Variants in NELL2 observed in about 807,000 individuals in gnomAD.
NELL2 encodes neural EGFL like 2.
Under a neutral mutation model 109.6 loss-of-function variants are expected in NELL2, and 41 were observed. That is an observed-to-expected ratio of 0.37 (90% CI 0.29 to 0.49). The LOEUF is 0.49. Ranked by LOEUF, NELL2 falls within the 20% of genes least tolerant of loss-of-function variation. NELL2 has a pLI of 0.98. For synonymous variants in NELL2, 355 were observed against 344.7 expected (o/e 1.03, Z -0.33); for missense variants, 900 against 1,008.3 (o/e 0.89, Z 1.45).
chr12:44,615,672 TAC>T (rs1945794351), intron 13 of NELL2, among the ~76,000 whole-genome samples: 1 of 152,154 alleles, frequency 6.6e-6, no homozygotes, highest in African/African-American at 2.4e-5. Flanking sequence ...TTTTTATGTT[TAC>T]ACAGTTTAAT....
intron 2 of NELL2, among the ~76,000 whole-genome samples, chr12:44,829,159 C>T (rs1009276163): frequency 6.6e-6 from 1 of 151,988 alleles, no homozygotes; most frequent in African/African-American, 2.4e-5. Context: ...AATAAGATCA[C>T]ATATTCAAAA....
intron 3 of NELL2, among the ~76,000 whole-genome samples, chr12:44,782,777 T>C (rs1054089267): frequency 1.3e-5 from 2 of 151,992 alleles, no homozygotes; most frequent in Non-Finnish European, 2.9e-5. Flanking sequence ...AAAGAATACA[T>C]GGTAAAATCC....
intron 15 of NELL2, among the ~76,000 whole-genome samples, chr12:44,566,100 A>C (rs1181701300): frequency 6.6e-6 from 1 of 152,180 alleles, no homozygotes; most frequent in African/African-American, 2.4e-5. Context: ...GGTTGCAGTC[A>C]AGATGAAGAG....
At chr12:44,622,297 C>T (rs1946088688) in intron 13 of NELL2, among the ~76,000 whole-genome samples, 1 of 152,104 alleles carries the variant, frequency 6.6e-6, no homozygotes, top group East Asian at 1.9e-4. Flanking sequence ...AACCTTGTTG[C>T]TCCTGTGTTT....
chr12:44,600,022 C>T (rs1257554714), intron 15 of NELL2, among the ~76,000 whole-genome samples: 1 of 138,758 alleles, frequency 7.2e-6, no homozygotes, highest in Non-Finnish European at 1.5e-5. Context: ...AGTGCAGTGG[C>T]GCGATATCTG....
At chr12:44,888,221 C>T (rs1340681683) in intron 1 of NELL2, among the ~76,000 whole-genome samples, 1 of 152,000 alleles carries the variant, frequency 6.6e-6, no homozygotes, top group African/African-American at 2.4e-5. Context: ...CAGTATCATG[C>T]TGATTTGGTT....
intron 1 of NELL2, among the ~76,000 whole-genome samples, chr12:44,893,083 T>C (rs1421435547): frequency 1.3e-5 from 2 of 152,116 alleles, no homozygotes; most frequent in Non-Finnish European, 2.9e-5. Flanking sequence ...CCAACAGAAA[T>C]TTATTATCTT....
At chr12:44,902,347 A>T (rs1945670232) in intron 1 of NELL2, among the ~76,000 whole-genome samples, 1 of 152,172 alleles carries the variant, frequency 6.6e-6, no homozygotes, top group Admixed American at 6.5e-5. Flanking sequence ...CTTATGAGGG[A>T]TGTGAAGGAC....
At chr12:44,713,972 A>G (rs951700388) in intron 10 of NELL2, among the ~76,000 whole-genome samples, 1 of 151,990 alleles carries the variant, frequency 6.6e-6, no homozygotes, top group Non-Finnish European at 1.5e-5. Context: ...CAGAAATTTT[A>G]TATATAGACA....
intron 12 of NELL2, among the ~76,000 whole-genome samples, chr12:44,683,274 C>T (rs1236652937): frequency 6.6e-6 from 1 of 151,880 alleles, no homozygotes; most frequent in South Asian, 2.1e-4. Flanking sequence ...GATTTTGTAT[C>T]CTGAGACTTT....
At position 44,520,145 on chromosome 12, in the gene NELL2, G is replaced by A. The variant is rs147794047; in HGVS notation, c.2260C>T (p.Arg754Cys). The change falls in exon 19 of 20, where the codon CGC (arginine) becomes TGC (cysteine). Residue 754 changes from arginine (R) to cysteine (C), a missense_variant. Arg to Cys is a radical substitution (Grantham distance 180). This residue lies in a region of NELL2 where 333 missense variants were observed against 432.3 expected (regional missense o/e 0.77). Transcript: ENST00000429094. Reference protein sequence around the residue: ...SILPENECCPRCVTDPCQADT... With the variant: ...SILPENECCPCCVTDPCQADT... ...GCCTGGCAAGGGTCTGTGACACAGCGCGGGCAGCACTCATTCTCTGGGAGA... is the reference window on the plus strand; with the variant it reads ...GCCTGGCAAGGGTCTGTGACACAGCACGGGCAGCACTCATTCTCTGGGAGA... 33 of 1,613,934 alleles carry A rather than the reference G, an allele frequency of 2.0e-5. No homozygotes were observed. The East Asian group carries it at 2.9e-4, about 14-fold the overall frequency.
chr12:44,722,077 C>A (rs1022907096), intron 9 of NELL2, among the ~76,000 whole-genome samples: 1 of 151,866 alleles, frequency 6.6e-6, no homozygotes, highest in Non-Finnish European at 1.5e-5. Context: ...GGAGATGGAA[C>A]AGGAGAAGGA....
At chr12:44,853,270 A>G (rs1457200596) in intron 2 of NELL2, among the ~76,000 whole-genome samples, 1 of 152,190 alleles carries the variant, frequency 6.6e-6, no homozygotes, top group Non-Finnish European at 1.5e-5. Context: ...GACAATCCAG[A>G]TTTGAGTTAG....
At chr12:44,565,521 T>A (rs1336955552) in intron 15 of NELL2, among the ~76,000 whole-genome samples, 1 of 152,112 alleles carries the variant, frequency 6.6e-6, no homozygotes, top group Non-Finnish European at 1.5e-5. Flanking sequence ...GAACACAAGT[T>A]TGCTAGAAAA....
chr12:44,629,126 G>A (rs1946365159), intron 13 of NELL2, among the ~76,000 whole-genome samples: 1 of 152,194 alleles, frequency 6.6e-6, no homozygotes, highest in African/African-American at 2.4e-5. Flanking sequence ...TTGAACTATG[G>A]GTGAGAATCA....
chr12:44,679,255 A>T (rs1476462151), intron 12 of NELL2, among the ~76,000 whole-genome samples: 1 of 152,126 alleles, frequency 6.6e-6, no homozygotes, highest in African/African-American at 2.4e-5. Context: ...AGGAGGATGA[A>T]GAAGTTACTG....
intron 16 of NELL2, among the ~76,000 whole-genome samples, chr12:44,526,593 T>C (rs1941783791): frequency 1.3e-5 from 2 of 152,260 alleles, no homozygotes; most frequent in East Asian, 1.9e-4. Flanking sequence ...TGGGGACGCA[T>C]AGAAAGAGAC....
intron 14 of NELL2, 21 bp downstream of exon 14, chr12:44,610,827 A>C: frequency 6.2e-7 from 1 of 1,612,600 alleles, no homozygotes; most frequent in Non-Finnish European, 8.5e-7. Context: ...TGGAAGAGGC[A>C]CTGGCATTTA....
At chr12:44,605,512 T>G (rs1945366338) in intron 15 of NELL2, among the ~76,000 whole-genome samples, 1 of 152,156 alleles carries the variant, frequency 6.6e-6, no homozygotes, top group Non-Finnish European at 1.5e-5. Context: ...GAAATAGAGA[T>G]AGCTACATGT....
Sources: gnomAD v4.1 joint callset for allele counts (sites outside exome capture counted in the v4.1 genomes callset) on GRCh38, gnomAD v4.1.1 for gene constraint, gnomAD v4.1.1 regional missense constraint, MANE v1.5 for transcripts, NCBI Gene and HGNC (gene_info 2026-07-23, HGNC 2026-07-21) for gene names.